SLC44A5: variants seen among roughly 807,000 people sequenced by gnomAD.
SLC44A5 encodes the protein choline transporter-like protein 5.
Under a neutral mutation model 101.8 loss-of-function variants are expected in SLC44A5, and 57 were observed. The ratio of observed to expected loss-of-function variants is 0.56; its 90% CI spans 0.45 to 0.70. SLC44A5 has a LOEUF of 0.70. Among genes scored for constraint, SLC44A5 ranks in the 30% least tolerant of loss-of-function variants. The probability of loss-of-function intolerance (pLI) is 0.00; values close to 1 mark genes in which losing one functional copy is unlikely to be tolerated. For missense variants in SLC44A5, 737 were observed against 853.1 expected (o/e 0.86, Z 1.70); for synonymous variants, 281 against 290.9 (o/e 0.97, Z 0.35).
chr1:75,554,054 G>A (rs952807847), intron 1 of SLC44A5, among the ~76,000 whole-genome samples: 2 of 152,210 alleles, frequency 1.3e-5, no homozygotes, highest in South Asian at 2.1e-4. Context: ...GAAGCCGTGT[G>A]TAAGAAGCAT....
At chr1:75,478,757 C>T (rs1479303017) in intron 2 of SLC44A5, among the ~76,000 whole-genome samples, 1 of 152,098 alleles carries the variant, frequency 6.6e-6, no homozygotes, top group Non-Finnish European at 1.5e-5. Context: ...TAAAGCAAGT[C>T]CTAAGTGACC....
At chr1:75,678,774 C>G in the SLC44A5 span, among the ~76,000 whole-genome samples, 7 of 151,854 alleles carry the variant, frequency 4.6e-5, no homozygotes, top group African/African-American at 1.7e-4. Context: ...ATGACTTTGA[C>G]GAGCTGAGAG....
rs959395662 is a variant in SLC44A5 at position 75,202,244 on chromosome 1, C to T, written c.*1483G>A. On this transcript the variant is annotated 3_prime_UTR_variant, in exon 24 of 24. Transcript: ENST00000370859. ...AGATATTTAGACAATACGTTTCTAACATTTCTGCACAGCAGAAGCACACTG... is the reference window on the plus strand; with the variant it reads ...AGATATTTAGACAATACGTTTCTAATATTTCTGCACAGCAGAAGCACACTG... 9 of 152,122 alleles carry T rather than the reference C, an allele frequency of 5.9e-5. No individual in the cohort carries two copies. Among genetic ancestry groups the T allele is most frequent in the Admixed American group, 2.6e-4 (4 of 15,262 alleles). 9.4% of individuals were successfully genotyped at this position (152,122 alleles called of 1,614,324 possible).
chr1:75,475,977 G>A (rs1667369753), intron 2 of SLC44A5, among the ~76,000 whole-genome samples: 1 of 152,210 alleles, frequency 6.6e-6, no homozygotes, highest in Non-Finnish European at 1.5e-5. Context: ...GAGGTCAGGA[G>A]TTAAAGACCA....
chr1:75,405,881 A>AT lies in SLC44A5; in HGVS notation c.14-9261dup, dbSNP rs553686129. ...CAGAGCAGAACTGAAGGCGATAGAG[A>AT]TAAAAAAAAAAAAAACCCTTTAAAA... On this transcript the variant is annotated intron_variant, in intron 2 of 23. Transcript: ENST00000370859. Among the ~76,000 whole-genome samples, 217 of 51,690 alleles carry AT rather than the reference A, an allele frequency of 4.2e-3. 1 individual carries two copies. Among genetic ancestry groups the AT allele is most frequent in the African/African-American group, 0.015 (202 of 13,586 alleles). The allele number at this position is 51,690 out of a possible 152,430, so 33.9% of individuals were successfully genotyped here. A position where few individuals can be genotyped will look rare whatever the true frequency, so the allele number is the denominator to read the frequency against.
In SLC44A5 at chr1:75,463,288, C is replaced by T. The variant is rs554599436; in HGVS notation, c.14-66667G>A. On this transcript the variant is annotated intron_variant, in intron 2 of 23. Coordinates refer to ENST00000370859, the MANE Select transcript of SLC44A5 (RefSeq NM_001130058.2). The stretch of plus-strand genomic sequence containing the variant: ...TACAAAAATTAGCTGGGCGCGGTGG[C>T]AGGCGCCTGTAGTCCCAGCTACTCG... Among the ~76,000 whole-genome samples, 52 of 152,030 alleles carry T rather than the reference C, an allele frequency of 3.4e-4. No homozygotes were observed. The South Asian group carries it at 8.1e-3, about 24-fold the overall frequency.
upstream of SLC44A5, among the ~76,000 whole-genome samples, chr1:75,615,154 A>C (rs1557965023): frequency 6.6e-6 from 1 of 151,976 alleles, no homozygotes; most frequent in South Asian, 2.1e-4. Context: ...CCGGGTTCCA[A>C]AGGAGCAACA....
chr1:75,336,881 T>C (rs1271469825), intron 4 of SLC44A5, among the ~76,000 whole-genome samples: 1 of 152,196 alleles, frequency 6.6e-6, no homozygotes, highest in Admixed American at 6.5e-5. Flanking sequence ...TGAGACCTAG[T>C]AATGCAAATA....
chr1:75,348,176 C>G (rs960305566), intron 3 of SLC44A5, among the ~76,000 whole-genome samples: 1 of 151,976 alleles, frequency 6.6e-6, no homozygotes, highest in African/African-American at 2.4e-5. Context: ...CTCTCTCTCT[C>G]TCTGTCAAAG....
At chr1:75,679,684 C>T in the SLC44A5 span, among the ~76,000 whole-genome samples, 1 of 151,950 alleles carries the variant, frequency 6.6e-6, no homozygotes, top group Admixed American at 6.6e-5. Flanking sequence ...ACCATCGAGA[C>T]TAGGAAGAAA....
At chr1:75,486,873 A>C (rs1180335500) in intron 2 of SLC44A5, among the ~76,000 whole-genome samples, 1 of 152,224 alleles carries the variant, frequency 6.6e-6, no homozygotes, top group Non-Finnish European at 1.5e-5. Context: ...ATTCATAGAG[A>C]GGCCTTAATT....
chr1:75,601,380 TG>T, intron 1 of SLC44A5, among the ~76,000 whole-genome samples: 1 of 1,590 alleles, frequency 6.3e-4, no homozygotes, highest in African/African-American at 4.4e-3. Flanking sequence ...TGTCGGGGGC[TG>T]GGGGGCTGGG....
intron 1 of SLC44A5, among the ~76,000 whole-genome samples, chr1:75,598,033 A>T (rs1396869631): frequency 2.0e-5 from 3 of 152,122 alleles, no homozygotes; most frequent in African/African-American, 7.2e-5. Context: ...AATTTTTGCA[A>T]CTATGCATCC....
chr1:75,416,965 C>T (rs1663689580), intron 2 of SLC44A5, among the ~76,000 whole-genome samples: 1 of 152,106 alleles, frequency 6.6e-6, no homozygotes, highest in Admixed American at 6.5e-5. Context: ...TGCCTTGTCA[C>T]CAAGATGAGA....
intron 2 of SLC44A5, among the ~76,000 whole-genome samples, chr1:75,535,071 C>CTTTT (rs34439007): frequency 1.4e-5 from 2 of 139,740 alleles, no homozygotes; most frequent in African/African-American, 2.6e-5. Context: ...ATTGAAGCTG[C>CTTTT]TTTTTTTTTT....
At chr1:75,285,847 T>C (rs1652995314) in intron 5 of SLC44A5, among the ~76,000 whole-genome samples, 1 of 152,086 alleles carries the variant, frequency 6.6e-6, no homozygotes, top group Admixed American at 6.6e-5. Flanking sequence ...TAGATATAAT[T>C]TTGATTTTCT....
intron 1 of SLC44A5, among the ~76,000 whole-genome samples, chr1:75,552,947 A>T (rs1672021058): frequency 6.6e-6 from 1 of 152,050 alleles, no homozygotes; most frequent in African/African-American, 2.4e-5. Context: ...AGGTTTTTTT[A>T]AATTCCATTT....
chr1:75,472,073 C>T (rs1356932516), intron 2 of SLC44A5, among the ~76,000 whole-genome samples: 3 of 102,104 alleles, frequency 2.9e-5, no homozygotes, highest in Non-Finnish European at 6.4e-5. Flanking sequence ...AGAGCATATC[C>T]CCCTGGGTTT....
chr1:75,344,259 TCAAA>T (rs1446215019), intron 3 of SLC44A5, among the ~76,000 whole-genome samples: 2 of 152,104 alleles, frequency 1.3e-5, no homozygotes, highest in Non-Finnish European at 2.9e-5. Context: ...CTGAGAACTT[TCAAA>T]GAATTCCATT....
Sources: allele counts gnomAD v4.1 joint callset (sites outside exome capture counted in the v4.1 genomes callset), GRCh38; gene constraint gnomAD v4.1.1; transcripts MANE v1.5; gene names NCBI Gene and HGNC (gene_info 2026-07-23, HGNC 2026-07-21).